The following CYP2C19 variants were observed in gnomAD, a reference collection of about 807,000 sequenced individuals.
CYP2C19 encodes the protein cytochrome P450 2C19.
A neutral mutation model predicts 40.9 loss-of-function variants in CYP2C19; 59 were observed. The observed-to-expected ratio is 1.44, with a 90% CI of 1.17 to 1.79. The LOEUF is 1.79. Ranked by LOEUF, CYP2C19 falls within the 40% of genes most tolerant of loss-of-function variation. The probability of loss-of-function intolerance (pLI) is 0.00; values close to 1 mark genes in which losing one functional copy is unlikely to be tolerated. For synonymous variants in CYP2C19, 253 were observed against 208.7 expected, an observed-to-expected ratio of 1.21 and a Z score of -1.83; for missense variants, 754 against 596.9, an observed-to-expected ratio of 1.26 and a Z score of -2.74.
chr10:94,792,853 A>G (rs1203455694), intron 5 of CYP2C19, among the ~76,000 whole-genome samples: 3 of 151,956 alleles, frequency 2.0e-5, no homozygotes, highest in Admixed American at 2.0e-4. Flanking sequence ...CTTCTCGAGG[A>G]GTATCTTTGT....
rs1253044606 is a variant in CYP2C19, at chr10:94,854,448, C to T, written c.*1534C>T. On this transcript the variant is annotated 3_prime_UTR_variant, in exon 9 of 9. Coordinates refer to ENST00000371321, the MANE Select transcript of CYP2C19 (RefSeq NM_000769.4). ...TAATATAATTAGCCTCATGTCATCTCCAAAGCATAGACAACTAAGTATCTT... is the reference window on the plus strand; with the variant it reads ...TAATATAATTAGCCTCATGTCATCTTCAAAGCATAGACAACTAAGTATCTT... Among the ~76,000 whole-genome samples the T allele has an allele frequency of 2.0e-5, 3 of 151,968 alleles. No individual in the cohort carries two copies.
intron 1 of CYP2C19, among the ~76,000 whole-genome samples, chr10:94,763,370 C>T (rs915915035): frequency 5.3e-5 from 8 of 152,096 alleles, no homozygotes; most frequent in Admixed American, 2.6e-4. Flanking sequence ...AAGTTATAGA[C>T]TTCAATTATT....
chr10:94,762,869 C>T lies in CYP2C19; in HGVS notation c.164C>T (p.Thr55Ile). ...ATTAAGGATGTCAGCAAATCCTTAACCAATGTAAGTATGCTCCTTCAGTGG... is the reference window on the plus strand; with the variant it reads ...ATTAAGGATGTCAGCAAATCCTTAATCAATGTAAGTATGCTCCTTCAGTGG... The part of the protein sequence containing the change: ...IDIKDVSKSL[T>I]NLSKIYGPVF... The change falls in exon 1 of 9, where the codon ACC (threonine) becomes ATC (isoleucine). Residue 55 changes from threonine to isoleucine, a missense_variant. By Grantham distance (89) the Thr-to-Ile change is moderately conservative. Transcript: ENST00000371321. The T allele has an allele frequency of 6.2e-7, 1 of 1,613,172 alleles. No individual in the cohort carries two copies. The highest frequency in any genetic ancestry group is 2.2e-5 in the East Asian group (1 of 44,862).
At chr10:94,824,210 TA>T (rs1849174942) in intron 6 of CYP2C19, among the ~76,000 whole-genome samples, 1 of 152,160 alleles carries the variant, frequency 6.6e-6, no homozygotes, top group South Asian at 2.1e-4. Context: ...ACTGATATCA[TA>T]AAAATTGTCA....
intron 6 of CYP2C19, among the ~76,000 whole-genome samples, chr10:94,833,953 G>A (rs1263983927): frequency 6.6e-6 from 1 of 152,118 alleles, no homozygotes; most frequent in Non-Finnish European, 1.5e-5. Context: ...GTATTGGCCT[G>A]TAGTTTTCTT....
At chr10:94,817,349 A>G (rs112029676) in intron 5 of CYP2C19, among the ~76,000 whole-genome samples, 1 of 149,390 alleles carries the variant, frequency 6.7e-6, no homozygotes, top group Non-Finnish European at 1.5e-5. Context: ...GCATTTTTTC[A>G]TGTGTTTTTT....
At chr10:94,827,310 T>A (rs1248687108) in intron 6 of CYP2C19, among the ~76,000 whole-genome samples, 2 of 152,096 alleles carry the variant, frequency 1.3e-5, no homozygotes, top group Admixed American at 1.3e-4. Flanking sequence ...TTTTGGTTGG[T>A]AAGCTATTGA....
At chr10:94,774,731 A>G in intron 1 of CYP2C19, 2 of 285,986 alleles carry the variant, frequency 7.0e-6, no homozygotes, top group South Asian at 4.7e-5. Flanking sequence ...TCTGTATATT[A>G]GCTGTGGGAC....
At chr10:94,825,812 T>G (rs1849209623) in intron 6 of CYP2C19, among the ~76,000 whole-genome samples, 2 of 142,700 alleles carry the variant, frequency 1.4e-5, no homozygotes, top group Admixed American at 1.4e-4. Context: ...AAGTCTTTAA[T>G]CCATCTTGAA....
intron 7 of CYP2C19, among the ~76,000 whole-genome samples, chr10:94,845,466 C>A (rs959490269): frequency 6.6e-6 from 1 of 152,094 alleles, no homozygotes; most frequent in Non-Finnish European, 1.5e-5. Flanking sequence ...TTTATTGATG[C>A]CCAATATAAG....
At chr10:94,774,716 G>A (rs1050382698) in intron 1 of CYP2C19, 5 of 230,540 alleles carry the variant, frequency 2.2e-5, no homozygotes, top group Non-Finnish European at 4.2e-5. Flanking sequence ...TTCAAATTTG[G>A]GTCTTCTGTA....
chr10:94,852,277 T>C (rs1355897761), intron 8 of CYP2C19, among the ~76,000 whole-genome samples: 1 of 152,042 alleles, frequency 6.6e-6, no homozygotes. Context: ...ATTCTGAAAA[T>C]ACTTAGCGGG....
intron 5 of CYP2C19, among the ~76,000 whole-genome samples, chr10:94,782,375 G>T (rs1361416763): frequency 6.6e-6 from 1 of 152,022 alleles, no homozygotes; most frequent in African/African-American, 2.4e-5. Flanking sequence ...TTCAAAAGAA[G>T]TCATTGGAGA....
chr10:94,851,620 C>T (rs1849655384), intron 8 of CYP2C19, among the ~76,000 whole-genome samples: 1 of 152,058 alleles, frequency 6.6e-6, no homozygotes, highest in South Asian at 2.1e-4. Flanking sequence ...GCTGTGAATT[C>T]CAAGATTGAG....
At chr10:94,782,486 A>T (rs1848492309) in intron 5 of CYP2C19, among the ~76,000 whole-genome samples, 1 of 152,138 alleles carries the variant, frequency 6.6e-6, no homozygotes, top group Non-Finnish European at 1.5e-5. Flanking sequence ...ATGTGGAAAA[A>T]TAGAAATGTT....
intron 1 of CYP2C19, among the ~76,000 whole-genome samples, chr10:94,771,731 G>A (rs1234513308): frequency 6.6e-6 from 1 of 152,000 alleles, no homozygotes; most frequent in Non-Finnish European, 1.5e-5. Flanking sequence ...ACAGTCCCTG[G>A]ACCCTGCTGA....
intron 5 of CYP2C19, among the ~76,000 whole-genome samples, chr10:94,809,916 C>T (rs1589362604): frequency 6.6e-6 from 1 of 152,224 alleles, no homozygotes; most frequent in Admixed American, 6.5e-5. Context: ...GAGTCTTGCC[C>T]TGTCACCCAG....
intron 6 of CYP2C19, among the ~76,000 whole-genome samples, chr10:94,821,513 C>T (rs372245749): frequency 2.0e-5 from 3 of 152,054 alleles, no homozygotes; most frequent in African/African-American, 7.2e-5. Context: ...AAAGAGGTAC[C>T]TAAAGAATGT....
chr10:94,815,987 A>T, intron 5 of CYP2C19, among the ~76,000 whole-genome samples: 1 of 152,182 alleles, frequency 6.6e-6, no homozygotes. Flanking sequence ...GGTTGTCTAC[A>T]GGTAATAGTA....
Sources: allele counts gnomAD v4.1 joint callset (sites outside exome capture counted in the v4.1 genomes callset), GRCh38; gene constraint gnomAD v4.1.1; transcripts MANE v1.5; gene names NCBI Gene and HGNC (gene_info 2026-07-23, HGNC 2026-07-21).